The following RAI14 variants were observed in gnomAD, a reference collection of about 807,000 sequenced individuals.
The protein encoded by RAI14 is retinoic acid induced 14.
Under a neutral mutation model 115.4 loss-of-function variants are expected in RAI14, and 45 were observed. That is an observed-to-expected ratio of 0.39 (90% CI 0.31 to 0.50). The LOEUF (loss-of-function observed/expected upper bound fraction) is 0.50. RAI14 is among the 20% of genes least tolerant of loss of function. The pLI, the probability that RAI14 is intolerant of heterozygous loss-of-function variation, is 0.85. For missense variants in RAI14, 939 were observed against 1,131.2 expected (o/e 0.83, Z 2.44); for synonymous variants, 371 against 415.4 (o/e 0.89, Z 1.30).
chr5:34,796,122 G>T (rs772833868), intron 4 of RAI14, 95 bp downstream of exon 4: 12 of 990,370 alleles, frequency 1.2e-5, no homozygotes, highest in Non-Finnish European at 1.9e-5. Context: ...AAGGCCAGGT[G>T]TGGTAACTCA....
intron 1 of RAI14, among the ~76,000 whole-genome samples, chr5:34,675,689 T>G (rs1743929108): frequency 6.6e-6 from 1 of 151,190 alleles, no homozygotes; most frequent in African/African-American, 2.4e-5. Context: ...AGTTTGAGGC[T>G]GCAGAGAGCT....
In RAI14 at chr5:34,814,697, T is replaced by C. The variant is rs776679652; in HGVS notation, c.939+28T>C. On this transcript the variant is annotated intron_variant, in intron 12 of 17. Transcript: ENST00000265109. ...ATTTCCTTTCTGTATTCAGTTTTGTTACTGTATTTTAAGATACATGATAGA... is the reference window on the plus strand; with the variant it reads ...ATTTCCTTTCTGTATTCAGTTTTGTCACTGTATTTTAAGATACATGATAGA... 4.0e-6 allele frequency: 6 copies of C among 1,518,624 alleles called. No homozygotes were observed. In the South Asian group the frequency reaches 6.7e-5, roughly 17 times the overall value. The allele number at this position is 1,518,624 out of a possible 1,614,324, so 94.1% of individuals were successfully genotyped here.
chr5:34,767,265 T>C (rs879875449), intron 3 of RAI14, among the ~76,000 whole-genome samples: 13 of 152,312 alleles, frequency 8.5e-5, no homozygotes, highest in Admixed American at 5.2e-4. Flanking sequence ...TCTTTGGCTT[T>C]GCTTTTCCTC....
At chr5:34,826,249 A>G in intron 15 of RAI14, 81 bp from the exon 16 acceptor site, 6 of 1,364,054 alleles carry the variant, frequency 4.4e-6, no homozygotes, top group East Asian at 4.8e-5. Context: ...AGAGATGACT[A>G]TGTTTGAGGC....
At chr5:34,732,307 A>G (rs559579012) in intron 2 of RAI14, among the ~76,000 whole-genome samples, 21 of 152,310 alleles carry the variant, frequency 1.4e-4, no homozygotes, top group African/African-American at 4.3e-4. Flanking sequence ...TGGACTCGAC[A>G]GTATATATAG....
chr5:34,824,683 C>T (rs1561092328), intron 15 of RAI14, among the ~76,000 whole-genome samples, 192 bp downstream of exon 15: 1 of 152,154 alleles, frequency 6.6e-6, no homozygotes, highest in Non-Finnish European at 1.5e-5. Flanking sequence ...GTGGCTCACG[C>T]TTATAATCCC....
At chr5:34,790,616 A>G (rs1752804742) in intron 3 of RAI14, among the ~76,000 whole-genome samples, 2 of 152,034 alleles carry the variant, frequency 1.3e-5, no homozygotes, top group East Asian at 3.9e-4. Flanking sequence ...AGCAATAGAG[A>G]TCAAAATGAC....
chr5:34,754,696 C>G (rs1561315570), intron 2 of RAI14, among the ~76,000 whole-genome samples: 1 of 152,190 alleles, frequency 6.6e-6, no homozygotes. Flanking sequence ...TGAAAAGAGG[C>G]TCTAGATAGA....
chr5:34,823,144 GC>G lies in RAI14; in HGVS notation c.1303del (p.Gln435LysfsTer11), dbSNP rs1757086920. 6.2e-7 allele frequency: 1 copy of G among 1,612,942 alleles called. No individual in the cohort carries two copies. The highest frequency in any genetic ancestry group is 1.3e-5 in the African/African-American group (1 of 74,868). ...ACAATGATGTCAGAATTCAGCAACT[GC>G]AAGAGATTTTGCAAGATCTACAGAA... ...TDNDVRIQQL[Q>X]EILQDLQKRL... On this transcript the variant is annotated frameshift_variant, in exon 15 of 18. Coordinates refer to ENST00000265109, the MANE Select transcript of RAI14 (RefSeq NM_015577.3). LOFTEE classifies it high-confidence loss of function. The surrounding 1 kb of genome is among the most constrained non-coding windows in gnomAD (Gnocchi z 4.5).
At chr5:34,807,071 T>C (rs1420573808) in intron 5 of RAI14, among the ~76,000 whole-genome samples, 3 of 152,318 alleles carry the variant, frequency 2.0e-5, no homozygotes, top group East Asian at 1.9e-4. Context: ...ATAGCACTTA[T>C]TGTTGTCACT....
chr5:34,818,730 C>G (rs912913832), intron 12 of RAI14, 67 bp from the exon 13 acceptor site: 9 of 1,372,718 alleles, frequency 6.6e-6, no homozygotes, highest in Admixed American at 1.8e-5. Flanking sequence ...GGAGGAAAGT[C>G]TGCTTGATTC....
At chr5:34,763,561 T>C (rs1345474496) in intron 3 of RAI14, among the ~76,000 whole-genome samples, 1 of 152,158 alleles carries the variant, frequency 6.6e-6, no homozygotes, top group East Asian at 1.9e-4. Flanking sequence ...CATAAGTAAA[T>C]ACAAAAGGAG....
At chr5:34,804,379 A>C (rs1415146719) in intron 5 of RAI14, among the ~76,000 whole-genome samples, 1 of 152,230 alleles carries the variant, frequency 6.6e-6, no homozygotes, top group Non-Finnish European at 1.5e-5. Flanking sequence ...TGAATATTTA[A>C]TGAACTCCCA....
At chr5:34,674,143 G>A (rs1175371917) in intron 1 of RAI14, among the ~76,000 whole-genome samples, 2 of 152,296 alleles carry the variant, frequency 1.3e-5, no homozygotes, top group Admixed American at 1.3e-4. Context: ...AATACACAGT[G>A]TTTGAGTAAT....
intron 1 of RAI14, among the ~76,000 whole-genome samples, chr5:34,666,858 G>A (rs959242699): frequency 6.6e-6 from 1 of 152,234 alleles, no homozygotes; most frequent in Non-Finnish European, 1.5e-5. Context: ...GTGTTGATGG[G>A]ATAATTGGGT....
rs564955444 is a variant in RAI14, at chr5:34,780,991, C to A, written c.168-14948C>A. On this transcript the variant is annotated intron_variant, in intron 3 of 17. Coordinates refer to ENST00000265109, the MANE Select transcript of RAI14 (RefSeq NM_015577.3). ...AACCCAAATGTCCATAAATGATAGA[C>A]TGGATTAAGAAAATGTGGCACATAT... 9.2e-5 allele frequency among the ~76,000 whole-genome samples: 14 copies of A among 152,070 alleles called. No individual in the cohort carries two copies. In the South Asian group the frequency reaches 2.7e-3, roughly 29 times the overall value.
rs1473151545 is a variant in RAI14 at position 34,811,890 on chromosome 5, C to T, written c.681C>T (p.Leu227=). The change falls in exon 9 of 18, where the codon CTC becomes CTT. Residue 227 remains leucine, a synonymous_variant. Transcript: ENST00000265109. ...LGYNALHYSK[L]SENAGIQSLL... Reference sequence around the variant, plus strand: ...ACAATGCCTTACATTATTCCAAACTCTCAGAAAATGCAGGAATTCAAAGCC... The same window carrying T: ...ACAATGCCTTACATTATTCCAAACTTTCAGAAAATGCAGGAATTCAAAGCC... The T allele has an allele frequency of 6.2e-7, 1 of 1,613,258 alleles. No homozygotes were observed. The highest frequency in any genetic ancestry group is 2.2e-5 in the East Asian group (1 of 44,842).
intron 3 of RAI14, among the ~76,000 whole-genome samples, chr5:34,766,637 G>A (rs1003996095): frequency 6.6e-6 from 1 of 152,132 alleles, no homozygotes; most frequent in Non-Finnish European, 1.5e-5. Flanking sequence ...GACTTGCCTT[G>A]TCTCAGATGC....
intron 2 of RAI14, among the ~76,000 whole-genome samples, chr5:34,745,849 C>T (rs1746112742): frequency 2.6e-5 from 4 of 152,090 alleles, no homozygotes; most frequent in Admixed American, 2.6e-4. Flanking sequence ...GCTTCTTGGC[C>T]CACCACTGAC....
Sources: gnomAD v4.1 joint callset for allele counts (sites outside exome capture counted in the v4.1 genomes callset) on GRCh38, gnomAD v4.1.1 for gene constraint, Gnocchi (gnomAD v3.1) non-coding constraint, MANE v1.5 for transcripts, NCBI Gene and HGNC (gene_info 2026-07-23, HGNC 2026-07-21) for gene names.